The following CLPTM1L variants were observed in gnomAD, a reference collection of about 807,000 sequenced individuals.
The protein encoded by CLPTM1L is lipid scramblase CLPTM1L.
Under a neutral mutation model 70.9 loss-of-function variants are expected in CLPTM1L, and 38 were observed. That is an observed-to-expected ratio of 0.54 (90% CI 0.41 to 0.70). The LOEUF (loss-of-function observed/expected upper bound fraction) is 0.70, where lower values mean the gene tolerates loss of function less well. CLPTM1L is among the 30% of genes least tolerant of loss of function. The pLI, the probability that CLPTM1L is intolerant of heterozygous loss-of-function variation, is 0.00. For missense variants in CLPTM1L, 652 were observed against 705.9 expected, an observed-to-expected ratio of 0.92 and a Z score of 0.87; for synonymous variants, 339 against 299.9, an observed-to-expected ratio of 1.13 and a Z score of -1.35.
chr5:1,344,526 G>A, intron 1 of CLPTM1L, 75 bp from the exon 2 acceptor site: 1 of 1,494,838 alleles, frequency 6.7e-7, no homozygotes, highest in Non-Finnish European at 9.3e-7. Context: ...CGGCCAGCTG[G>A]AGGGCGGAAG....
intron 3 of CLPTM1L, among the ~76,000 whole-genome samples, chr5:1,340,205 G>A (rs933907229): frequency 2.0e-5 from 3 of 152,226 alleles, no homozygotes; most frequent in South Asian, 2.1e-4. Context: ...TTGAGAGGGT[G>A]AGAGCCCCCT....
chr5:1,331,754 C>G, intron 8 of CLPTM1L, 45 bp downstream of exon 8: 1 of 1,561,834 alleles, frequency 6.4e-7, no homozygotes, highest in Non-Finnish European at 8.8e-7. Context: ...CCAGTGAGCT[C>G]CCTGGGGCAG....
At position 1,320,604 on chromosome 5, in the gene CLPTM1L, A is replaced by T. The variant is rs755363395; in HGVS notation, c.1532+12T>A. 8 of 1,483,428 alleles carry T rather than the reference A, an allele frequency of 5.4e-6. No homozygotes were observed. Among genetic ancestry groups the T allele is most frequent in the Middle Eastern group, 4.7e-4 (2 of 4,270 alleles). The allele number at this position is 1,483,428 out of a possible 1,614,324, so 91.9% of individuals were successfully genotyped here. On this transcript the variant is annotated intron_variant, in intron 16 of 16. Transcript: ENST00000320895. ...GACGGAGCAACGGCCGAGCATACGC[A>T]GCCGCACTCACCACCGCTGGTACAG...
chr5:1,326,403 TACAGACACATTTCATCCAGCTCCTCCTCG>T (rs1752547075), intron 9 of CLPTM1L: 1 of 241,486 alleles, frequency 4.1e-6, no homozygotes, highest in South Asian at 4.8e-5. Flanking sequence ...GCTCCTCCTC[TACAGACACATTTCATCCAGCTCCTCCTCG>T]ACAGACACAT....
intron 5 of CLPTM1L, among the ~76,000 whole-genome samples, chr5:1,337,072 G>C (rs1338069996): frequency 1.3e-5 from 2 of 152,240 alleles, no homozygotes; most frequent in Non-Finnish European, 2.9e-5. Flanking sequence ...CTCCTAGTGG[G>C]TGATCCGGAG....
chr5:1,320,734 G>A lies in CLPTM1L; in HGVS notation c.1417-3C>T, dbSNP rs1478500190. On this transcript the variant is annotated splice_region_variant and splice_polypyrimidine_tract_variant and intron_variant, in intron 15 of 16. Transcript: ENST00000320895. ...TCATCAATGAAGGTGTTGAAAGCCT[G>A]CAGGGCCAGACGGGAGGAGGGTGAA... is the stretch of plus-strand genomic sequence containing the variant. The A allele has an allele frequency of 6.6e-7, 1 of 1,521,132 alleles. No homozygotes were observed. The highest frequency in any genetic ancestry group is 2.5e-5 in the East Asian group (1 of 40,268). 94.2% of individuals were successfully genotyped at this position (1,521,132 alleles called of 1,614,324 possible).
chr5:1,333,314 C>A (rs1453428232), intron 7 of CLPTM1L, among the ~76,000 whole-genome samples: 1 of 130,558 alleles, frequency 7.7e-6, no homozygotes, highest in East Asian at 2.1e-4. Flanking sequence ...TGTATACACA[C>A]GGGATGAGGA....
At chr5:1,321,160 A>G (rs1161848686) in intron 15 of CLPTM1L, among the ~76,000 whole-genome samples, 4 of 152,218 alleles carry the variant, frequency 2.6e-5, no homozygotes, top group Non-Finnish European at 4.4e-5. Flanking sequence ...TGACTTCAGA[A>G]AAGTGCAAAT....
chr5:1,338,048 T>C, intron 4 of CLPTM1L, 66 bp from the exon 5 acceptor site: 1 of 1,307,476 alleles, frequency 7.6e-7, no homozygotes, highest in South Asian at 1.3e-5. Flanking sequence ...AATGAACACA[T>C]CCAGACACTG....
At chr5:1,344,481 T>A (rs1754147970) in intron 1 of CLPTM1L, 30 bp from the exon 2 acceptor site, 1 of 1,590,484 alleles carries the variant, frequency 6.3e-7, no homozygotes, top group Non-Finnish European at 8.6e-7. Flanking sequence ...GAGAGTCAGC[T>A]CGGCCAGGCC....
rs746084279 is a variant in CLPTM1L, at chr5:1,321,619, C to T, written c.1416+16G>A. 1.3e-5 allele frequency: 21 copies of T among 1,611,636 alleles called. No homozygotes were observed. Among genetic ancestry groups the T allele is most frequent in the South Asian group, 1.1e-4 (10 of 91,038 alleles). ...TGCTCAGTGAGAAGGGATTCCTCAC[C>T]GGCTGTCACACTCACCTTGTAGGTG... On this transcript the variant is annotated intron_variant, in intron 15 of 16. Coordinates refer to ENST00000320895, the MANE Select transcript of CLPTM1L (RefSeq NM_030782.5).
chr5:1,319,237 G>C (rs1752005742), intron 16 of CLPTM1L, among the ~76,000 whole-genome samples: 1 of 152,024 alleles, frequency 6.6e-6, no homozygotes, highest in South Asian at 2.1e-4. Flanking sequence ...ATCTGAGAAT[G>C]GTGAACGGGG....
chr5:1,324,343 C>T (rs969298068), intron 11 of CLPTM1L, among the ~76,000 whole-genome samples: 1 of 152,334 alleles, frequency 6.6e-6, no homozygotes, highest in Non-Finnish European at 1.5e-5. Context: ...ATTCCAGCTC[C>T]CCCAACAGCA....
chr5:1,331,579 G>A (rs62329700), intron 8 of CLPTM1L: 57 of 402,130 alleles, frequency 1.4e-4, no homozygotes, highest in Non-Finnish European at 2.1e-4. Flanking sequence ...CTGTGCAGCC[G>A]CTGGAGGCCC....
At chr5:1,333,053 C>G (rs62329701) in intron 7 of CLPTM1L, among the ~76,000 whole-genome samples, 16 of 72,848 alleles carry the variant, frequency 2.2e-4, no homozygotes, top group African/African-American at 5.2e-4. Flanking sequence ...GTATACACAC[C>G]GGATGAGGAT....
chr5:1,332,006 G>C (rs943250292), intron 7 of CLPTM1L, 123 bp from the exon 8 acceptor site: 1 of 778,408 alleles, frequency 1.3e-6, no homozygotes, highest in South Asian at 1.6e-5. Context: ...GGATGCATCA[G>C]GATAAGTGTC....
rs146435972 is a variant in CLPTM1L at position 1,318,395 on chromosome 5, C to A, written c.1591G>T (p.Ala531Ser). 2 of 1,613,820 alleles carry A rather than the reference C, an allele frequency of 1.2e-6. No individual in the cohort carries two copies. Among genetic ancestry groups the A allele is most frequent in the African/African-American group, 2.7e-5 (2 of 75,060 alleles). Residue 531 changes from alanine (A) to serine (S), a missense_variant, in exon 17 of 17, where the codon GCC (alanine) becomes TCC (serine). By Grantham distance (99) the Ala-to-Ser change is moderately conservative (BLOSUM62 1). Coordinates refer to ENST00000320895, the MANE Select transcript of CLPTM1L (RefSeq NM_030782.5). The surrounding 1 kb of genome is among the most constrained non-coding windows in gnomAD (Gnocchi z 8.9). ...NEFGESYEEK[A>S]TRAPHTD ...CAGTCCGTGTGGGGCGCCCGCGTGG[C>A]CTTCTCCTCGTAGGACTCCCCAAAC...
intron 13 of CLPTM1L, 52 bp downstream of exon 13, chr5:1,322,825 T>C (rs1376262445): frequency 1.0e-5 from 16 of 1,586,892 alleles, no homozygotes; most frequent in Non-Finnish European, 1.4e-5. Flanking sequence ...AACAATTAAA[T>C]CGCTGCCTGC....
At chr5:1,319,996 G>A in intron 16 of CLPTM1L, among the ~76,000 whole-genome samples, 1 of 152,324 alleles carries the variant, frequency 6.6e-6, no homozygotes, top group South Asian at 2.1e-4. Flanking sequence ...GGGAGGCCCA[G>A]GGTGGGGCCT....
Sources: gnomAD v4.1 joint callset for allele counts (sites outside exome capture counted in the v4.1 genomes callset) on GRCh38, gnomAD v4.1.1 for gene constraint, Gnocchi (gnomAD v3.1) non-coding constraint, MANE v1.5 for transcripts, NCBI Gene and HGNC (gene_info 2026-07-23, HGNC 2026-07-21) for gene names.